The following ROBO1 variants were observed in gnomAD, a reference collection of about 807,000 sequenced individuals.
ROBO1 encodes roundabout guidance receptor 1.
A neutral mutation model predicts 195.9 loss-of-function variants in ROBO1; 149 were observed. The observed-to-expected ratio is 0.76, with a 90% CI of 0.67 to 0.87. ROBO1 has a LOEUF of 0.87. Among genes scored for constraint, ROBO1 ranks in the 40% least tolerant of loss-of-function variants. The pLI is 0.00. For missense variants in ROBO1, 1,933 were observed against 2,068.3 expected, an observed-to-expected ratio of 0.93 and a Z score of 1.27; for synonymous variants, 816 against 733.2, an observed-to-expected ratio of 1.11 and a Z score of -1.82.
chr3:78,981,795 A>G (rs962311849), intron 3 of ROBO1, among the ~76,000 whole-genome samples: 1 of 149,426 alleles, frequency 6.7e-6, no homozygotes, highest in Non-Finnish European at 1.5e-5. Flanking sequence ...GCCAACACAC[A>G]CACACACACA....
chr3:79,135,518 C>G (rs73109157), intron 2 of ROBO1, among the ~76,000 whole-genome samples: 1 of 151,902 alleles, frequency 6.6e-6, no homozygotes. Flanking sequence ...AGGATACACA[C>G]GTGGAATAAT....
chr3:79,215,665 A>C (rs1482282561), intron 2 of ROBO1, among the ~76,000 whole-genome samples: 1 of 152,226 alleles, frequency 6.6e-6, no homozygotes, highest in African/African-American at 2.4e-5. Context: ...ATTTGCATAC[A>C]TAGAAATTAA....
intron 26 of ROBO1, among the ~76,000 whole-genome samples, chr3:78,624,373 A>C (rs1575794669): frequency 6.6e-6 from 1 of 152,176 alleles, no homozygotes; most frequent in South Asian, 2.1e-4. Context: ...ATGGGCTTTC[A>C]CTTACTTTTT....
intron 2 of ROBO1, among the ~76,000 whole-genome samples, chr3:79,173,336 A>G (rs1044175311): frequency 2.0e-5 from 3 of 152,026 alleles, no homozygotes; most frequent in Non-Finnish European, 4.4e-5. Flanking sequence ...GGAGGTGTGG[A>G]GGGAGAGGCG....
intron 1 of ROBO1, among the ~76,000 whole-genome samples, chr3:79,651,443 A>G (rs768574689): frequency 6.6e-5 from 10 of 152,162 alleles, no homozygotes; most frequent in Non-Finnish European, 1.2e-4. Context: ...TATAACTAAA[A>G]TTATGTGTGA....
At chr3:79,099,580 G>GA (rs1400363324) in intron 3 of ROBO1, among the ~76,000 whole-genome samples, 2 of 151,464 alleles carry the variant, frequency 1.3e-5, no homozygotes, top group Non-Finnish European at 3.0e-5. Context: ...TAGCTCAATG[G>GA]AAAAAAATCC....
intron 3 of ROBO1, among the ~76,000 whole-genome samples, chr3:79,103,508 A>G (rs1412240727): frequency 6.6e-6 from 1 of 151,804 alleles, no homozygotes; most frequent in African/African-American, 2.4e-5. Context: ...TTTGTTGAGT[A>G]AGCAGTTTAC....
intron 2 of ROBO1, among the ~76,000 whole-genome samples, chr3:79,463,829 G>T (rs1937796226): frequency 6.6e-6 from 1 of 151,956 alleles, no homozygotes; most frequent in Non-Finnish European, 1.5e-5. Context: ...ACAACCCCAT[G>T]GTTTTTATTA....
chr3:79,381,091 G>C (rs939081416), intron 2 of ROBO1, among the ~76,000 whole-genome samples: 1 of 152,142 alleles, frequency 6.6e-6, no homozygotes, highest in Admixed American at 6.5e-5. Flanking sequence ...GGGCGCGGTG[G>C]CTCACGCCCG....
At chr3:79,652,428 A>AGTGTATTACTG (rs1946038295) in intron 1 of ROBO1, among the ~76,000 whole-genome samples, 1 of 152,118 alleles carries the variant, frequency 6.6e-6, no homozygotes, top group South Asian at 2.1e-4. Flanking sequence ...ATATTATGGC[A>AGTGTATTACTG]CCTAGAAGAT....
At chr3:78,607,236 A>G in intron 28 of ROBO1, 195 bp from the exon 29 acceptor site, 1 of 588,834 alleles carries the variant, frequency 1.7e-6, no homozygotes, top group Non-Finnish European at 2.9e-6. Flanking sequence ...ATTCTGAGAC[A>G]GGGTCTTACT....
intron 4 of ROBO1, among the ~76,000 whole-genome samples, chr3:78,898,694 A>G (rs2037406158): frequency 6.6e-6 from 1 of 151,880 alleles, no homozygotes; most frequent in Non-Finnish European, 1.5e-5. Flanking sequence ...TGGCCCTAAA[A>G]CATATATTTT....
intron 2 of ROBO1, among the ~76,000 whole-genome samples, chr3:79,494,364 G>T (rs61364058): frequency 1.3e-5 from 2 of 151,886 alleles, no homozygotes; most frequent in African/African-American, 4.8e-5. Flanking sequence ...CATAAAAATA[G>T]GTTCTTTAGA....
chr3:79,351,335 C>A (rs572053014), intron 2 of ROBO1, among the ~76,000 whole-genome samples: 5 of 152,214 alleles, frequency 3.3e-5, no homozygotes, highest in African/African-American at 1.2e-4. Flanking sequence ...CAACTTCATG[C>A]TGAAATTTAT....
chr3:78,709,357 C>T (rs750179337), intron 8 of ROBO1, among the ~76,000 whole-genome samples: 5 of 151,568 alleles, frequency 3.3e-5, no homozygotes, highest in Non-Finnish European at 7.4e-5. Flanking sequence ...TATTGGTATA[C>T]CATGTATACC....
chr3:78,695,486 G>A (rs1021685042), intron 8 of ROBO1, among the ~76,000 whole-genome samples: 6 of 151,774 alleles, frequency 4.0e-5, no homozygotes, highest in Admixed American at 1.3e-4. Flanking sequence ...TTACCCAGGC[G>A]CGGTGGCACG....
chr3:78,876,036 T>C (rs2035823749), intron 4 of ROBO1, among the ~76,000 whole-genome samples: 2 of 151,910 alleles, frequency 1.3e-5, no homozygotes, highest in Admixed American at 1.3e-4. Flanking sequence ...CTTATTCACA[T>C]TATAAGAACA....
At chr3:79,378,368 T>C (rs574756991) in intron 2 of ROBO1, among the ~76,000 whole-genome samples, 27 of 152,202 alleles carry the variant, frequency 1.8e-4, no homozygotes, top group African/African-American at 6.0e-4. Flanking sequence ...CTCCAGCACG[T>C]TTGCCTTCCT....
chr3:79,235,036 G>T (rs1022976733), intron 2 of ROBO1, among the ~76,000 whole-genome samples: 2 of 152,046 alleles, frequency 1.3e-5, no homozygotes, highest in African/African-American at 4.8e-5. Context: ...TTTGAACTAA[G>T]TTCAAACCTT....
Sources: gnomAD v4.1 joint callset for allele counts (sites outside exome capture counted in the v4.1 genomes callset) on GRCh38, gnomAD v4.1.1 for gene constraint, MANE v1.5 for transcripts, NCBI Gene and HGNC (gene_info 2026-07-23, HGNC 2026-07-21) for gene names.